LGSN: variants seen among roughly 807,000 people sequenced by gnomAD.
The protein encoded by LGSN is lengsin.
In LGSN, 21 loss-of-function variants were observed where a neutral mutation model predicts 19.5. The ratio of observed to expected loss-of-function variants is 1.07; its 90% CI spans 0.76 to 1.55. The LOEUF is 1.55. Ranked by LOEUF, LGSN falls within the 40% of genes most tolerant of loss-of-function variation. The probability of loss-of-function intolerance (pLI) is 0.00; values close to 1 mark genes in which losing one functional copy is unlikely to be tolerated. For synonymous variants in LGSN, 257 were observed against 215.6 expected (o/e 1.19, Z -1.68); for missense variants, 673 against 608.5 (o/e 1.11, Z -1.12).
the LGSN span, among the ~76,000 whole-genome samples, chr6:63,486,983 G>A: frequency 1.3e-5 from 2 of 151,820 alleles, no homozygotes; most frequent in East Asian, 1.9e-4. Context: ...CTACAGGCAT[G>A]AGCCACCACA....
At chr6:63,341,635 C>G in the LGSN span, among the ~76,000 whole-genome samples, 1 of 152,106 alleles carries the variant, frequency 6.6e-6, no homozygotes, top group African/African-American at 2.4e-5. Flanking sequence ...TGTGATGGAA[C>G]CCCCTATGAC....
At chr6:63,547,898 A>C in the LGSN span, among the ~76,000 whole-genome samples, 12 of 152,228 alleles carry the variant, frequency 7.9e-5, no homozygotes, top group African/African-American at 2.4e-4. Flanking sequence ...TTATTTAAAA[A>C]CCACAAATTT....
chr6:63,471,317 T>C, the LGSN span, among the ~76,000 whole-genome samples: 1 of 151,736 alleles, frequency 6.6e-6, no homozygotes, highest in African/African-American at 2.4e-5. Flanking sequence ...TGTATAATAT[T>C]GGGAAGAGAT....
chr6:63,417,355 G>C, the LGSN span, among the ~76,000 whole-genome samples: 2 of 152,034 alleles, frequency 1.3e-5, no homozygotes, highest in African/African-American at 4.8e-5. Context: ...TCTGAAGTTT[G>C]AGTTTCAGCT....
At chr6:63,419,042 T>C in the LGSN span, among the ~76,000 whole-genome samples, 1 of 152,084 alleles carries the variant, frequency 6.6e-6, no homozygotes, top group African/African-American at 2.4e-5. Context: ...CCATAGGTAA[T>C]GAGGCCACCC....
chr6:63,325,670 T>TA, the LGSN span, among the ~76,000 whole-genome samples: 3 of 152,188 alleles, frequency 2.0e-5, no homozygotes, highest in Non-Finnish European at 2.9e-5. Context: ...CGGTGAGTGT[T>TA]ACAGCTTTTA....
the LGSN span, among the ~76,000 whole-genome samples, chr6:63,554,053 G>T: frequency 6.6e-6 from 1 of 152,098 alleles, no homozygotes; most frequent in Non-Finnish European, 1.5e-5. Flanking sequence ...AGGAGGGGAG[G>T]AGTAATTCAG....
At chr6:63,367,787 T>C in the LGSN span, among the ~76,000 whole-genome samples, 156 of 151,556 alleles carry the variant, frequency 1.0e-3, no homozygotes, top group Non-Finnish European at 1.7e-3. Context: ...TCTTGTCCTT[T>C]GTAGGGACAT....
the LGSN span, among the ~76,000 whole-genome samples, chr6:63,342,409 G>C: frequency 6.6e-6 from 1 of 152,046 alleles, no homozygotes; most frequent in Non-Finnish European, 1.5e-5. Context: ...ATTATTTAAG[G>C]CTGTTAAAAA....
chr6:63,479,527 C>G, the LGSN span, among the ~76,000 whole-genome samples: 1 of 151,912 alleles, frequency 6.6e-6, no homozygotes, highest in Non-Finnish European at 1.5e-5. Flanking sequence ...ATCTCGAGGT[C>G]AGGAGATCGA....
the LGSN span, among the ~76,000 whole-genome samples, chr6:63,512,989 T>C: frequency 6.6e-6 from 1 of 152,324 alleles, no homozygotes; most frequent in African/African-American, 2.4e-5. Context: ...ACTGACAGAA[T>C]AGGAAATTAA....
chr6:63,481,518 AT>A, the LGSN span, among the ~76,000 whole-genome samples: 1 of 149,370 alleles, frequency 6.7e-6, no homozygotes, highest in African/African-American at 2.5e-5. Flanking sequence ...AATTTTTTGT[AT>A]TTTTTTTTAG....
chr6:63,482,901 A>T, the LGSN span, among the ~76,000 whole-genome samples: 1 of 152,058 alleles, frequency 6.6e-6, no homozygotes, highest in Non-Finnish European at 1.5e-5. Flanking sequence ...GGGTTTCGCC[A>T]TGTTGGCCAG....
the LGSN span, among the ~76,000 whole-genome samples, chr6:63,493,658 C>A: frequency 1.3e-5 from 2 of 152,114 alleles, no homozygotes; most frequent in African/African-American, 4.8e-5. Flanking sequence ...TTCCCAGTAC[C>A]ATGACTATAG....
the LGSN span, among the ~76,000 whole-genome samples, chr6:63,425,698 T>C: frequency 6.6e-6 from 1 of 152,014 alleles, no homozygotes; most frequent in Non-Finnish European, 1.5e-5. Context: ...TGGATCTTGG[T>C]GGGTGGCTGA....
chr6:63,333,182 A>G, the LGSN span, among the ~76,000 whole-genome samples: 1 of 151,752 alleles, frequency 6.6e-6, no homozygotes, highest in Non-Finnish European at 1.5e-5. Flanking sequence ...ATCTGGCCCC[A>G]CCTACATCCT....
chr6:63,547,178 T>A, the LGSN span, among the ~76,000 whole-genome samples: 1 of 150,628 alleles, frequency 6.6e-6, no homozygotes, highest in Non-Finnish European at 1.5e-5. Context: ...TACAGGCTAG[T>A]AGGGGGGAAT....
the LGSN span, among the ~76,000 whole-genome samples, chr6:63,338,572 C>T: frequency 3.9e-5 from 6 of 151,962 alleles, no homozygotes; most frequent in African/African-American, 1.4e-4. Context: ...TCTAATTTTA[C>T]TTATTTGGGT....
chr6:63,468,804 A>G, the LGSN span, among the ~76,000 whole-genome samples: 4 of 151,272 alleles, frequency 2.6e-5, no homozygotes, highest in Non-Finnish European at 5.9e-5. Flanking sequence ...GCTAGGGTGC[A>G]ATGGCACGGT....
Sources: allele counts gnomAD v4.1 joint callset (sites outside exome capture counted in the v4.1 genomes callset), GRCh38; gene constraint gnomAD v4.1.1; transcripts MANE v1.5; gene names NCBI Gene and HGNC (gene_info 2026-07-23, HGNC 2026-07-21).